OSBPL1A: variants seen among roughly 807,000 people sequenced by gnomAD.
OSBPL1A encodes the protein oxysterol-binding protein-related protein 1.
In OSBPL1A, 80 loss-of-function variants were observed where a neutral mutation model predicts 137.1. That is an observed-to-expected ratio of 0.58 (90% confidence interval 0.49 to 0.70). OSBPL1A has a LOEUF of 0.70. Among genes scored for constraint, OSBPL1A ranks in the 30% least tolerant of loss-of-function variants. OSBPL1A has a pLI of 0.00. For missense variants in OSBPL1A, 970 were observed against 1,129.4 expected, an observed-to-expected ratio of 0.86 and a Z score of 2.02; for synonymous variants, 365 against 389.7, an observed-to-expected ratio of 0.94 and a Z score of 0.75.
chr18:24,293,408 C>T (rs2090224512), intron 14 of OSBPL1A, among the ~76,000 whole-genome samples: 1 of 152,150 alleles, frequency 6.6e-6, no homozygotes, highest in South Asian at 2.1e-4. Context: ...CTCTCCCGTC[C>T]CTCCGCAGGT....
chr18:24,353,765 G>A (rs936150972), intron 4 of OSBPL1A, among the ~76,000 whole-genome samples: 4 of 151,982 alleles, frequency 2.6e-5, no homozygotes, highest in South Asian at 2.1e-4. Flanking sequence ...CATGTCCTTC[G>A]TAGGGACATG....
intron 2 of OSBPL1A, among the ~76,000 whole-genome samples, chr18:24,376,426 TAC>T (rs1359543843): frequency 6.6e-6 from 1 of 152,208 alleles, no homozygotes; most frequent in African/African-American, 2.4e-5. Flanking sequence ...TTGAGCTAGA[TAC>T]AGAGTGCCGA....
chr18:24,271,375 G>C lies in OSBPL1A; in HGVS notation c.1281+9467C>G, dbSNP rs181524908. 3.0e-3 allele frequency: 525 copies of C among 174,508 alleles called. 2 individuals are homozygous for C. Among genetic ancestry groups the C allele is most frequent in the African/African-American group, 0.012 (506 of 41,912 alleles). The allele number at this position is 174,508 out of a possible 1,614,324, so 10.8% of individuals were successfully genotyped here. A position where few individuals can be genotyped will look rare whatever the true frequency, so the allele number is the denominator to read the frequency against. The stretch of plus-strand genomic sequence containing the variant: ...TCAGTCCACGGGCTTTTTCCCCAGG[G>C]GCTCTTCCTGCAGGAACCCCACGGC... On this transcript the variant is annotated intron_variant, in intron 15 of 27. Coordinates refer to ENST00000319481, the MANE Select transcript of OSBPL1A (RefSeq NM_080597.4). The surrounding 1 kb of genome is among the most constrained non-coding windows in gnomAD (Gnocchi z 4.0).
intron 15 of OSBPL1A, among the ~76,000 whole-genome samples, chr18:24,278,083 A>C (rs1386283295): frequency 2.0e-5 from 3 of 152,226 alleles, no homozygotes; most frequent in Non-Finnish European, 4.4e-5. Context: ...CAGTTGGAGA[A>C]AAGTTAGAGA....
At chr18:24,226,166 T>C (rs2088071097) in intron 16 of OSBPL1A, among the ~76,000 whole-genome samples, 1 of 152,180 alleles carries the variant, frequency 6.6e-6, no homozygotes, top group Non-Finnish European at 1.5e-5. Context: ...CAACGCATTT[T>C]TGTACACGAC....
At position 24,271,945 on chromosome 18, in the gene OSBPL1A, C is replaced by T; in HGVS notation, c.1281+8897G>A. ...TGCCCCTCCGCCGCCGCTGGCTCGG[C>T]CGCAGACCCGCCCTCCGGGGCTCGC... is the stretch of plus-strand genomic sequence containing the variant. On this transcript the variant is annotated intron_variant, in intron 15 of 27. Coordinates refer to ENST00000319481, the MANE Select transcript of OSBPL1A (RefSeq NM_080597.4). This position sits in a 1 kb window ranked among gnomAD's most constrained non-coding sequence, Gnocchi z 4.0. 1.0e-6 allele frequency: 1 copy of T among 982,864 alleles called. No homozygotes were observed. The highest frequency in any genetic ancestry group is 1.2e-6 in the Non-Finnish European group (1 of 829,142). 60.9% of individuals were successfully genotyped at this position (982,864 alleles called of 1,614,324 possible).
At chr18:24,257,079 TC>T (rs1030541635) in intron 15 of OSBPL1A, among the ~76,000 whole-genome samples, 7 of 149,896 alleles carry the variant, frequency 4.7e-5, no homozygotes, top group Non-Finnish European at 8.9e-5. Context: ...TTCAATGCTA[TC>T]CCTATCAAAA....
Position 24,303,617 on chromosome 18 carries a change from G to C in OSBPL1A, c.1174+20C>G. On this transcript the variant is annotated intron_variant, in intron 14 of 27. Transcript: ENST00000319481. ...CTATGTGTTAAAGAGTGATTGTAGG[G>C]ATAGTGCTTGTCTTTTTACCTTTAG... The C allele has an allele frequency of 4.4e-6, 7 of 1,588,074 alleles. No individual in the cohort carries two copies. Among genetic ancestry groups the C allele is most frequent in the South Asian group, 1.1e-5 (1 of 90,304 alleles).
intron 17 of OSBPL1A, among the ~76,000 whole-genome samples, chr18:24,201,582 G>A (rs1401819941): frequency 6.6e-6 from 1 of 152,098 alleles, no homozygotes; most frequent in African/African-American, 2.4e-5. Context: ...GGCCAACATG[G>A]TGAAACCCCG....
chr18:24,341,176 T>A (rs1050391611), intron 5 of OSBPL1A, among the ~76,000 whole-genome samples: 24 of 152,090 alleles, frequency 1.6e-4, no homozygotes, highest in South Asian at 2.1e-4. Context: ...TTAATTTTTT[T>A]AAAATTTTTT....
chr18:24,339,128 C>T (rs374230445), intron 5 of OSBPL1A, among the ~76,000 whole-genome samples: 7 of 152,112 alleles, frequency 4.6e-5, no homozygotes, highest in East Asian at 1.9e-4. Context: ...TCCACTACTA[C>T]GCCCAGCTAA....
chr18:24,297,191 C>T (rs999408510), intron 14 of OSBPL1A, among the ~76,000 whole-genome samples: 4 of 152,078 alleles, frequency 2.6e-5, no homozygotes, highest in Non-Finnish European at 4.4e-5. Flanking sequence ...CTGGTCTGCT[C>T]AGGGTTTCTG....
chr18:24,241,277 G>A (rs2088681592), intron 15 of OSBPL1A, among the ~76,000 whole-genome samples: 1 of 152,136 alleles, frequency 6.6e-6, no homozygotes, highest in Non-Finnish European at 1.5e-5. Flanking sequence ...TGGACAAATG[G>A]GATCTAATTA....
At chr18:24,205,195 T>C (rs2087334795) in intron 17 of OSBPL1A, among the ~76,000 whole-genome samples, 1 of 152,210 alleles carries the variant, frequency 6.6e-6, no homozygotes, top group South Asian at 2.1e-4. Context: ...TCCACAGCCG[T>C]CACTCCTGGC....
In OSBPL1A at chr18:24,250,174, G is replaced by GTTTTTTTTTTTTTTTTTTTT. The variant is rs1233264916; in HGVS notation, c.1282-10793_1282-10792insAAAAAAAAAAAAAAAAAAAA. On this transcript the variant is annotated intron_variant, in intron 15 of 27. Transcript: ENST00000319481. Reference sequence around the variant, plus strand: ...TGTGTTTTTGTTTGTTTGTTTGTTTGTTTGTTTGTTTGTTTTTTTTGACAT... The same window carrying GTTTTTTTTTTTTTTTTTTTT: ...TGTGTTTTTGTTTGTTTGTTTGTTTGTTTTTTTTTTTTTTTTTTTTTTTGTTTGTTTGTTTTTTTTGACAT... 5.3e-5 allele frequency among the ~76,000 whole-genome samples: 4 copies of GTTTTTTTTTTTTTTTTTTTT among 75,348 alleles called. 1 individual carries two copies. Among genetic ancestry groups the GTTTTTTTTTTTTTTTTTTTT allele is most frequent in the Non-Finnish European group, 7.7e-5 (3 of 38,832 alleles). The allele number at this position is 75,348 out of a possible 152,430, so 49.4% of individuals were successfully genotyped here.
At chr18:24,226,050 A>T (rs1368801410) in intron 16 of OSBPL1A, among the ~76,000 whole-genome samples, 1 of 152,224 alleles carries the variant, frequency 6.6e-6, no homozygotes, top group African/African-American at 2.4e-5. Flanking sequence ...AAAAGCCCGA[A>T]GCAACCCTAT....
chr18:24,275,026 A>G (rs757478084), intron 15 of OSBPL1A, among the ~76,000 whole-genome samples: 2 of 152,196 alleles, frequency 1.3e-5, no homozygotes, highest in Non-Finnish European at 2.9e-5. Context: ...AAGTAGTCAC[A>G]TGCCAGGCCC....
intron 15 of OSBPL1A, among the ~76,000 whole-genome samples, chr18:24,248,447 G>A (rs766371465): frequency 2.6e-5 from 4 of 152,128 alleles, no homozygotes; most frequent in Non-Finnish European, 5.9e-5. Flanking sequence ...TTTCTTACAG[G>A]CATTGCCATC....
In OSBPL1A at chr18:24,331,649, G is replaced by T. The variant is rs1231637830; in HGVS notation, c.625+1293C>A. ...CTGACCTCGTGATCCGCCCGCCTCG[G>T]CCTCCCAAAGTGCTGGGATTACAGG... On this transcript the variant is annotated intron_variant, in intron 7 of 27. Coordinates refer to ENST00000319481, the MANE Select transcript of OSBPL1A (RefSeq NM_080597.4). Among the ~76,000 whole-genome samples the T allele has an allele frequency of 8.0e-5, 12 of 150,724 alleles. 1 individual carries two copies. The highest frequency in any genetic ancestry group is 2.7e-4 in the African/African-American group (11 of 40,142).
Sources: gnomAD v4.1 joint callset for allele counts (sites outside exome capture counted in the v4.1 genomes callset) on GRCh38, gnomAD v4.1.1 for gene constraint, Gnocchi (gnomAD v3.1) non-coding constraint, MANE v1.5 for transcripts, NCBI Gene and HGNC (gene_info 2026-07-23, HGNC 2026-07-21) for gene names.